ABI2: variants seen among roughly 807,000 people sequenced by gnomAD.
ABI2 encodes the protein abelson interactor 2.
In ABI2, 25 loss-of-function variants were observed where a neutral mutation model predicts 59.2. The ratio of observed to expected loss-of-function variants is 0.42; its 90% CI spans 0.31 to 0.59. ABI2 has a LOEUF of 0.59. Ranked by LOEUF, ABI2 falls within the 20% of genes least tolerant of loss-of-function variation. The pLI is 0.14. For synonymous variants in ABI2, 213 were observed against 235.5 expected (o/e 0.90, Z 0.87); for missense variants, 545 against 681.8 (o/e 0.80, Z 2.23).
At chr2:203,396,720 C>G (rs1161334516) in intron 7 of ABI2, 65 bp from the exon 8 acceptor site, 19 of 1,421,202 alleles carry the variant, frequency 1.3e-5, no homozygotes, top group Admixed American at 5.6e-5. Context: ...ACTCTAATAC[C>G]TTTTCTAATC....
At chr2:203,333,670 A>G (rs181660216) in intron 1 of ABI2, among the ~76,000 whole-genome samples, 1 of 152,208 alleles carries the variant, frequency 6.6e-6, no homozygotes, top group Non-Finnish European at 1.5e-5. Flanking sequence ...TTCAGTGACA[A>G]ATCAGTCATC....
Position 203,374,748 on chromosome 2 carries a change from T to TA in ABI2, c.286-5452dup, listed in dbSNP as rs549399528. The TA allele has an allele frequency of 4.4e-4, 187 of 423,018 alleles. 2 individuals are homozygous for TA. The highest frequency in any genetic ancestry group is 3.3e-3 in the African/African-American group (165 of 49,700). The allele number at this position is 423,018 out of a possible 1,614,324, so 26.2% of individuals were successfully genotyped here. ...TTTATTTGAAACATTAGCTTACTAA[T>TA]AAAAAAAATTGAGACATATTTAAAA... On this transcript the variant is annotated intron_variant, in intron 2 of 11. Coordinates refer to ENST00000261018, the MANE Select transcript of ABI2 (RefSeq NM_001375670.1).
At position 203,381,094 on chromosome 2, in the gene ABI2, A is replaced by C. The variant is rs575671697; in HGVS notation, c.462+710A>C. ...ATACATGCTTATAATGATACTGTAC[A>C]GTTCATGTAGTTGATTTTTTTTCTA... On this transcript the variant is annotated intron_variant, in intron 3 of 11. Transcript: ENST00000261018. Among the ~76,000 whole-genome samples, 6 of 152,342 alleles carry C rather than the reference A, an allele frequency of 3.9e-5. No homozygotes were observed. The East Asian group carries it at 1.2e-3, about 29-fold the overall frequency.
intron 1 of ABI2, among the ~76,000 whole-genome samples, chr2:203,345,922 G>T (rs1162694501): frequency 1.3e-5 from 2 of 151,906 alleles, no homozygotes; most frequent in African/African-American, 2.4e-5. Context: ...GCTCACGCCT[G>T]TAATCCCAGC....
At position 203,431,219 on chromosome 2, in the gene ABI2, T is replaced by TA. The variant is rs2098480888; in HGVS notation, c.*3868dup. ...TTTTTAAAATTTCTGGTTGTCTCATTAGACTGATGAGGTGAGTTTTCTTCT... is the reference window on the plus strand; with the variant it reads ...TTTTTAAAATTTCTGGTTGTCTCATTAAGACTGATGAGGTGAGTTTTCTTCT... On this transcript the variant is annotated 3_prime_UTR_variant, in exon 12 of 12. Transcript: ENST00000261018. 6.6e-6 allele frequency: 1 copy of TA among 152,620 alleles called. No homozygotes were observed. Among genetic ancestry groups the TA allele is most frequent in the Admixed American group, 6.5e-5 (1 of 15,280 alleles). 9.5% of individuals were successfully genotyped at this position (152,620 alleles called of 1,614,324 possible).
chr2:203,374,368 T>C (rs1424021862), intron 2 of ABI2, among the ~76,000 whole-genome samples: 1 of 151,846 alleles, frequency 6.6e-6, no homozygotes, highest in Non-Finnish European at 1.5e-5. Flanking sequence ...GGTGTGGTAG[T>C]GGGCACCTGT....
chr2:203,328,713 C>T, intron 1 of ABI2, 82 bp downstream of exon 1: 1 of 883,522 alleles, frequency 1.1e-6, no homozygotes, highest in Non-Finnish European at 1.6e-6. Context: ...CCGAGGCCGC[C>T]TCGGGGACAC....
chr2:203,379,277 T>G (rs2095936118), intron 2 of ABI2, among the ~76,000 whole-genome samples: 1 of 152,224 alleles, frequency 6.6e-6, no homozygotes, highest in Non-Finnish European at 1.5e-5. Flanking sequence ...ACACAGGGTC[T>G]TGCTCTGTCA....
At chr2:203,334,133 G>A (rs2075346319) in intron 1 of ABI2, among the ~76,000 whole-genome samples, 1 of 151,854 alleles carries the variant, frequency 6.6e-6, no homozygotes, top group Non-Finnish European at 1.5e-5. Context: ...TAAAGACAGG[G>A]TTTCTCCATG....
intron 9 of ABI2, among the ~76,000 whole-genome samples, chr2:203,407,426 A>G (rs1054255480): frequency 2.6e-5 from 4 of 152,198 alleles, no homozygotes; most frequent in Non-Finnish European, 5.9e-5. Flanking sequence ...ATTTTGTCTA[A>G]TATTCTCAGA....
chr2:203,349,225 A>G (rs1485742355), intron 1 of ABI2, among the ~76,000 whole-genome samples: 1 of 151,994 alleles, frequency 6.6e-6, no homozygotes, highest in Non-Finnish European at 1.5e-5. Flanking sequence ...TACAGGCATT[A>G]GCCTCTGAAC....
At chr2:203,401,306 C>T (rs1375175988) in intron 8 of ABI2, among the ~76,000 whole-genome samples, 1 of 151,948 alleles carries the variant, frequency 6.6e-6, no homozygotes, top group Non-Finnish European at 1.5e-5. Context: ...TCCTCCTCTA[C>T]CTTCCTGTCC....
chr2:203,424,568 ATTTT>A (rs2098358250), intron 11 of ABI2, among the ~76,000 whole-genome samples: 2 of 150,996 alleles, frequency 1.3e-5, no homozygotes, highest in Admixed American at 1.3e-4. Context: ...CTAATTTATT[ATTTT>A]TATTTTTTTA....
chr2:203,384,245 T>C (rs1243371746), intron 4 of ABI2, among the ~76,000 whole-genome samples: 1 of 151,932 alleles, frequency 6.6e-6, no homozygotes, highest in Non-Finnish European at 1.5e-5. Flanking sequence ...AAAAGTGGAA[T>C]GTACCTTGAA....
At chr2:203,377,548 G>T (rs2095793412) in intron 2 of ABI2, among the ~76,000 whole-genome samples, 1 of 152,146 alleles carries the variant, frequency 6.6e-6, no homozygotes, top group South Asian at 2.1e-4. Flanking sequence ...ATTTTTTGAA[G>T]CATACTTGAT....
Position 203,423,711 on chromosome 2 carries a change from G to A in ABI2, c.1454-3466G>A, listed in dbSNP as rs186248919. Among the ~76,000 whole-genome samples, 533 of 152,190 alleles carry A rather than the reference G, an allele frequency of 3.5e-3. 2 individuals carry two copies. Among genetic ancestry groups the A allele is most frequent in the African/African-American group, 9.1e-3 (379 of 41,520 alleles). ...GCTGGGATTACAGGCGTGAGCCACCGCGCCCAGCCCAATCTGGGTCCTTTT... is the reference window on the plus strand; with the variant it reads ...GCTGGGATTACAGGCGTGAGCCACCACGCCCAGCCCAATCTGGGTCCTTTT... On this transcript the variant is annotated intron_variant, in intron 11 of 11. Coordinates refer to ENST00000261018, the MANE Select transcript of ABI2 (RefSeq NM_001375670.1).
At chr2:203,422,296 GA>G (rs1194650503) in intron 11 of ABI2, among the ~76,000 whole-genome samples, 2 of 151,728 alleles carry the variant, frequency 1.3e-5, no homozygotes, top group Non-Finnish European at 2.9e-5. Context: ...TCAATAAAAA[GA>G]AAAAAAATAT....
chr2:203,403,558 A>G (rs1425826153), intron 9 of ABI2, among the ~76,000 whole-genome samples: 1 of 152,046 alleles, frequency 6.6e-6, no homozygotes, highest in Non-Finnish European at 1.5e-5. Context: ...TGATCCTCCA[A>G]CATAAACACT....
At chr2:203,412,293 C>G (rs1009002502) in intron 10 of ABI2, among the ~76,000 whole-genome samples, 10 of 152,106 alleles carry the variant, frequency 6.6e-5, no homozygotes, top group African/African-American at 2.2e-4. Context: ...AGCTGTTTCC[C>G]CAGCACTTGG....
Sources: gnomAD v4.1 joint callset for allele counts (sites outside exome capture counted in the v4.1 genomes callset) on GRCh38, gnomAD v4.1.1 for gene constraint, MANE v1.5 for transcripts, NCBI Gene and HGNC (gene_info 2026-07-23, HGNC 2026-07-21) for gene names.